The following SAMD4A variants were observed in gnomAD, a reference collection of about 807,000 sequenced individuals.
SAMD4A encodes sterile alpha motif domain containing 4A.
Under a neutral mutation model 81.3 loss-of-function variants are expected in SAMD4A, and 33 were observed. That is an observed-to-expected ratio of 0.41 (90% confidence interval 0.31 to 0.54). The LOEUF (loss-of-function observed/expected upper bound fraction) is 0.54. Among genes scored for constraint, SAMD4A ranks in the 20% least tolerant of loss-of-function variants. The probability of loss-of-function intolerance (pLI) is 0.37; values close to 1 mark genes in which losing one functional copy is unlikely to be tolerated. For missense variants in SAMD4A, 854 were observed against 951.1 expected, an observed-to-expected ratio of 0.90 and a Z score of 1.34; for synonymous variants, 389 against 382.1, an observed-to-expected ratio of 1.02 and a Z score of -0.21.
intron 2 of SAMD4A, among the ~76,000 whole-genome samples, chr14:54,638,018 A>G (rs1453811664): frequency 6.6e-6 from 1 of 152,166 alleles, no homozygotes; most frequent in African/African-American, 2.4e-5. Flanking sequence ...CAGAGTCCCA[A>G]CCTTGCCAGC....
chr14:54,760,626 T>C (rs1337766752), intron 7 of SAMD4A, 132 bp downstream of exon 7: 3 of 1,328,228 alleles, frequency 2.3e-6, no homozygotes, highest in Admixed American at 4.0e-5. Context: ...ATCTTACAGA[T>C]AGGGAAAGTG....
intron 8 of SAMD4A, among the ~76,000 whole-genome samples, chr14:54,769,462 C>A (rs535869782): frequency 2.6e-5 from 4 of 152,258 alleles, no homozygotes; most frequent in African/African-American, 9.6e-5. Flanking sequence ...AGGCAGCAGG[C>A]AAAACACACA....
At chr14:54,727,455 C>T (rs1340562199) in intron 3 of SAMD4A, among the ~76,000 whole-genome samples, 1 of 152,088 alleles carries the variant, frequency 6.6e-6, no homozygotes, top group Non-Finnish European at 1.5e-5. Context: ...TCCCAAAGTG[C>T]TGGGATTACA....
chr14:54,568,006 C>T lies in SAMD4A; in HGVS notation c.90C>T (p.Leu30=), dbSNP rs149786093. Reference sequence around the variant, plus strand: ...AGACTGTTGCGCTGCTGTCGCTGCTCAAGCGCGTGAGCCAGACCCAGGCCC... The same window carrying T: ...AGACTGTTGCGCTGCTGTCGCTGCTTAAGCGCGTGAGCCAGACCCAGGCCC... ...CEQTVALLSL[L]KRVSQTQARF... is the part of the protein sequence containing the mutation. The change falls in exon 2 of 13, where the codon CTC becomes CTT. Residue 30 remains leucine, a synonymous_variant. Coordinates refer to ENST00000554335, the MANE Select transcript of SAMD4A (RefSeq NM_015589.6). The T allele has an allele frequency of 2.4e-4, 387 of 1,608,526 alleles. No homozygotes were observed. The highest frequency in any genetic ancestry group is 3.0e-4 in the Non-Finnish European group (357 of 1,179,576).
chr14:54,775,622 T>G (rs1220480684), intron 10 of SAMD4A, among the ~76,000 whole-genome samples: 1 of 152,124 alleles, frequency 6.6e-6, no homozygotes, highest in East Asian at 1.9e-4. Flanking sequence ...CTGTGCAGTT[T>G]AGAGCTGACT....
chr14:54,733,222 A>G (rs566352278), intron 3 of SAMD4A, among the ~76,000 whole-genome samples: 181 of 152,314 alleles, frequency 1.2e-3, no homozygotes, highest in Non-Finnish European at 1.9e-3. Context: ...TGCTGTTTCC[A>G]TATTTCAACT....
At chr14:54,645,847 G>A (rs2035275730) in intron 2 of SAMD4A, among the ~76,000 whole-genome samples, 1 of 152,228 alleles carries the variant, frequency 6.6e-6, no homozygotes, top group Non-Finnish European at 1.5e-5. Flanking sequence ...CATCTGAAGA[G>A]GGTTGCCTGT....
intron 3 of SAMD4A, among the ~76,000 whole-genome samples, chr14:54,718,783 C>A (rs1006936432): frequency 6.6e-6 from 1 of 152,024 alleles, no homozygotes; most frequent in Non-Finnish European, 1.5e-5. Context: ...GCAGGCAGAT[C>A]ACCTGAGTTC....
chr14:54,651,963 T>C (rs1393169325), intron 2 of SAMD4A, among the ~76,000 whole-genome samples: 1 of 152,238 alleles, frequency 6.6e-6, no homozygotes, highest in East Asian at 1.9e-4. Flanking sequence ...CTTGCTCCTC[T>C]TTGCCCCTCT....
At chr14:54,569,545 TG>T (rs1407545290) in intron 2 of SAMD4A, among the ~76,000 whole-genome samples, 1 of 152,160 alleles carries the variant, frequency 6.6e-6, no homozygotes, top group Non-Finnish European at 1.5e-5. Flanking sequence ...GGGCCCCCTT[TG>T]GTTGAGCTCC....
chr14:54,594,753 A>T (rs2033869050), intron 2 of SAMD4A, among the ~76,000 whole-genome samples: 1 of 152,258 alleles, frequency 6.6e-6, no homozygotes, highest in South Asian at 2.1e-4. Flanking sequence ...AATTTAAAAT[A>T]TTAAACTAGT....
At chr14:54,748,026 C>T (rs186630201) in intron 4 of SAMD4A, among the ~76,000 whole-genome samples, 20 of 152,346 alleles carry the variant, frequency 1.3e-4, no homozygotes, top group Admixed American at 4.6e-4. Context: ...TTCAGATGCA[C>T]TTTAGAACTT....
At chr14:54,708,078 G>A (rs1158712093) in intron 3 of SAMD4A, among the ~76,000 whole-genome samples, 3 of 152,186 alleles carry the variant, frequency 2.0e-5, no homozygotes, top group Admixed American at 2.0e-4. Context: ...ATAGGGCAAG[G>A]ACAGAAACAG....
chr14:54,667,670 T>TTC (rs1302449503), intron 2 of SAMD4A, among the ~76,000 whole-genome samples: 2 of 152,218 alleles, frequency 1.3e-5, no homozygotes, highest in Non-Finnish European at 2.9e-5. Flanking sequence ...TGTGGAACCC[T>TTC]TCTCTCTCTT....
chr14:54,628,046 A>T (rs1021678899), intron 2 of SAMD4A, among the ~76,000 whole-genome samples: 2 of 151,882 alleles, frequency 1.3e-5, no homozygotes, highest in Non-Finnish European at 2.9e-5. Context: ...AGAAATGGGT[A>T]TTTCTGAGTC....
At chr14:54,705,423 A>G (rs2036827814) in intron 3 of SAMD4A, among the ~76,000 whole-genome samples, 2 of 152,178 alleles carry the variant, frequency 1.3e-5, no homozygotes, top group Admixed American at 1.3e-4. Context: ...GAAGAGCTAC[A>G]CTTCTTACCT....
intron 9 of SAMD4A, 119 bp downstream of exon 9, chr14:54,770,341 G>C: frequency 4.2e-6 from 3 of 712,766 alleles, no homozygotes; most frequent in Non-Finnish European, 7.3e-6. Context: ...AAGATGCCCT[G>C]TGGCGAGTTC....
intron 6 of SAMD4A, among the ~76,000 whole-genome samples, chr14:54,755,625 C>T (rs1032362258): frequency 6.6e-6 from 1 of 152,094 alleles, no homozygotes. Flanking sequence ...TGGCCCTCAG[C>T]AGGTCACTAT....
At chr14:54,635,877 C>G (rs913761770) in intron 2 of SAMD4A, among the ~76,000 whole-genome samples, 2 of 152,186 alleles carry the variant, frequency 1.3e-5, no homozygotes, top group African/African-American at 4.8e-5. Flanking sequence ...TTTATTCAAT[C>G]CAGAAATAGT....
Sources: gnomAD v4.1 joint callset for allele counts (sites outside exome capture counted in the v4.1 genomes callset) on GRCh38, gnomAD v4.1.1 for gene constraint, MANE v1.5 for transcripts, NCBI Gene and HGNC (gene_info 2026-07-23, HGNC 2026-07-21) for gene names.